The following NME7 variants were observed in gnomAD, a reference collection of about 807,000 sequenced individuals.
The protein encoded by NME7 is NME/NM23 family member 7, also known as nucleoside diphosphate kinase 7.
A neutral mutation model predicts 49.1 loss-of-function variants in NME7; 41 were observed. The observed-to-expected ratio is 0.83, with a 90% CI of 0.65 to 1.08. The LOEUF is 1.08. NME7 is among the 50% of genes least tolerant of loss of function. The pLI is 0.00. For synonymous variants in NME7, 139 were observed against 150.6 expected, an observed-to-expected ratio of 0.92 and a Z score of 0.56; for missense variants, 423 against 463.4, an observed-to-expected ratio of 0.91 and a Z score of 0.80.
intron 1 of NME7, among the ~76,000 whole-genome samples, chr1:169,327,352 T>G (rs891099719): frequency 4.1e-4 from 63 of 152,204 alleles, no homozygotes; most frequent in African/African-American, 1.5e-3. Context: ...GCCAAATCAT[T>G]TTTCCTCTTT....
chr1:169,301,302 G>C (rs114133365), intron 5 of NME7, among the ~76,000 whole-genome samples: 7,247 of 152,178 alleles, frequency 0.048, 225 homozygotes, highest in East Asian at 0.12. Flanking sequence ...CATACAAGCA[G>C]CCAATAAGCA....
Position 169,355,251 on chromosome 1 carries a change from ATATC to A in NME7, c.3+12453_3+12456del, listed in dbSNP as rs1224621772. Among the ~76,000 whole-genome samples the A allele has an allele frequency of 4.1e-4, 10 of 24,654 alleles. 1 individual carries two copies. The highest frequency in any genetic ancestry group is 8.0e-4 in the African/African-American group (8 of 10,012). The allele number at this position is 24,654 out of a possible 152,430, so 16.2% of individuals were successfully genotyped here. A position where few individuals can be genotyped will look rare whatever the true frequency, so the allele number is the denominator to read the frequency against. On this transcript the variant is annotated intron_variant, in intron 1 of 11. Transcript: ENST00000367811. The stretch of plus-strand genomic sequence containing the variant: ...TATAATATATAATATATTATATATT[ATATC>A]TATATATAATATATTGTATATTATA...
intron 2 of NME7, among the ~76,000 whole-genome samples, 184 bp downstream of exon 2, chr1:169,324,209 A>T (rs1209218172): frequency 6.6e-6 from 1 of 152,154 alleles, no homozygotes; most frequent in Non-Finnish European, 1.5e-5. Flanking sequence ...TGACATTAAA[A>T]ATAAAGGCAC....
intron 7 of NME7, among the ~76,000 whole-genome samples, chr1:169,283,135 T>C (rs1340760736): frequency 2.0e-5 from 3 of 152,210 alleles, no homozygotes; most frequent in East Asian, 3.8e-4. Flanking sequence ...TGCGCTTGTA[T>C]TGGGTGCATA....
At chr1:169,235,022 A>AT in intron 9 of NME7, 109 bp downstream of exon 9, 1 of 509,014 alleles carries the variant, frequency 2.0e-6, no homozygotes. Flanking sequence ...CTCTGTATTG[A>AT]TTTTCAGTCT....
At chr1:169,279,451 T>C (rs182886979) in intron 7 of NME7, among the ~76,000 whole-genome samples, 1 of 152,334 alleles carries the variant, frequency 6.6e-6, no homozygotes, top group Non-Finnish European at 1.5e-5. Flanking sequence ...ACTGCTGTGC[T>C]AGCAATCAAC....
intron 11 of NME7, among the ~76,000 whole-genome samples, chr1:169,163,691 G>T (rs927935337): frequency 2.6e-5 from 4 of 152,010 alleles, no homozygotes; most frequent in African/African-American, 9.7e-5. Context: ...GCCCTTTTAT[G>T]TTAAAAATAC....
chr1:169,258,209 T>A lies in NME7; in HGVS notation c.755-20522A>T, dbSNP rs1198871718. Among the ~76,000 whole-genome samples the A allele has an allele frequency of 1.3e-4, 16 of 127,064 alleles. 1 individual carries two copies. The highest frequency in any genetic ancestry group is 3.7e-5 in the Non-Finnish European group (2 of 54,524). 83.4% of individuals were successfully genotyped at this position (127,064 alleles called of 152,430 possible). A position where few individuals can be genotyped will look rare whatever the true frequency, so the allele number is the denominator to read the frequency against. ...GAAATTAGCTAGGTGTTGTGGCACG[T>A]GTCTGTAGTGCCAGCTGCTCTGCTT... On this transcript the variant is annotated intron_variant, in intron 7 of 11. Transcript: ENST00000367811.
chr1:169,141,626 C>G (rs1425393182), intron 11 of NME7, among the ~76,000 whole-genome samples: 1 of 152,136 alleles, frequency 6.6e-6, no homozygotes, highest in Non-Finnish European at 1.5e-5. Context: ...AAAAACAAAC[C>G]ACAGAATATT....
Position 169,135,174 on chromosome 1 carries a change from GAAAAAC to G in NME7, c.1099-2363_1099-2358del, listed in dbSNP as rs1658394587. Among the ~76,000 whole-genome samples, 9 of 151,604 alleles carry G rather than the reference GAAAAAC, an allele frequency of 5.9e-5. No individual in the cohort carries two copies. In the South Asian group the frequency reaches 1.7e-3, roughly 28 times the overall value. ...GGGCAACAGAGTGAGACCCTGTCTT[GAAAAAC>G]AAAAACAAAAAAAACAACCAAAAAC... On this transcript the variant is annotated intron_variant, in intron 11 of 11. Coordinates refer to ENST00000367811, the MANE Select transcript of NME7 (RefSeq NM_013330.5).
chr1:169,170,727 TAACATGGTGAAGCCCTGTCTC>T (rs1170143463), intron 10 of NME7, among the ~76,000 whole-genome samples: 2 of 152,066 alleles, frequency 1.3e-5, no homozygotes, highest in Non-Finnish European at 2.9e-5. Flanking sequence ...CCAGCCTGGC[TAACATGGTGAAGCCCTGTCTC>T]AACATGGTGA....
rs535423579 is a variant in NME7 at position 169,256,765 on chromosome 1, T to G, written c.755-19078A>C. 5.3e-4 allele frequency among the ~76,000 whole-genome samples: 68 copies of G among 127,746 alleles called. 6 individuals are homozygous for G. The highest frequency in any genetic ancestry group is 1.8e-3 in the African/African-American group (68 of 38,088). The allele number at this position is 127,746 out of a possible 152,430, so 83.8% of individuals were successfully genotyped here. The stretch of plus-strand genomic sequence containing the variant: ...TTGGTGTGGATGTCCTTTCTGTTTG[T>G]TAGTTTTCCTTCTAACAGACAGGAC... On this transcript the variant is annotated intron_variant, in intron 7 of 11. Coordinates refer to ENST00000367811, the MANE Select transcript of NME7 (RefSeq NM_013330.5).
intron 3 of NME7, among the ~76,000 whole-genome samples, chr1:169,320,529 C>G (rs951631024): frequency 6.6e-6 from 1 of 152,138 alleles, no homozygotes; most frequent in Non-Finnish European, 1.5e-5. Context: ...TAGACTAAAT[C>G]GGTTGTTACA....
intron 2 of NME7, 139 bp downstream of exon 2, chr1:169,324,254 A>G (rs909227997): frequency 8.3e-6 from 4 of 480,338 alleles, no homozygotes; most frequent in Non-Finnish European, 1.5e-5. Context: ...ATAATGAATA[A>G]GTTTAAAAAG....
chr1:169,175,867 T>C (rs1659734761), intron 10 of NME7, among the ~76,000 whole-genome samples: 1 of 152,142 alleles, frequency 6.6e-6, no homozygotes, highest in South Asian at 2.1e-4. Flanking sequence ...AATGTTACAA[T>C]CATTGTCCTC....
chr1:169,162,721 C>G (rs150379239), intron 11 of NME7, among the ~76,000 whole-genome samples: 5 of 152,086 alleles, frequency 3.3e-5, no homozygotes, highest in Non-Finnish European at 7.4e-5. Flanking sequence ...AGCCTATAGT[C>G]CTAGCCTCTC....
intron 10 of NME7, among the ~76,000 whole-genome samples, chr1:169,213,450 T>A (rs1347802671): frequency 6.6e-6 from 1 of 152,134 alleles, no homozygotes; most frequent in Non-Finnish European, 1.5e-5. Flanking sequence ...ATTTTATCTA[T>A]TTTTTTAAAT....
intron 10 of NME7, among the ~76,000 whole-genome samples, chr1:169,199,771 C>T (rs984920736): frequency 3.3e-5 from 5 of 151,850 alleles, no homozygotes; most frequent in African/African-American, 1.2e-4. Context: ...TATAATTCAC[C>T]AAAAGTACTA....
chr1:169,151,193 C>A (rs745922), intron 11 of NME7, among the ~76,000 whole-genome samples: 1 of 151,800 alleles, frequency 6.6e-6, no homozygotes, highest in African/African-American at 2.4e-5. Flanking sequence ...TTGCTCTAGG[C>A]GGGAAGGCAG....
Sources: allele counts gnomAD v4.1 joint callset (sites outside exome capture counted in the v4.1 genomes callset), GRCh38; gene constraint gnomAD v4.1.1; transcripts MANE v1.5; gene names NCBI Gene and HGNC (gene_info 2026-07-23, HGNC 2026-07-21).